The following GREM2 variants were observed in gnomAD, a reference collection of about 807,000 sequenced individuals.
GREM2 encodes the protein gremlin 2, DAN family BMP antagonist.
Under a neutral mutation model 14.2 loss-of-function variants are expected in GREM2, and 11 were observed. The observed-to-expected ratio is 0.78, with a 90% CI of 0.49 to 1.28. The LOEUF is 1.28. Ranked by LOEUF, GREM2 falls within the 50% of genes most tolerant of loss-of-function variation. The probability of loss-of-function intolerance (pLI) is 0.00; values close to 1 mark genes in which losing one functional copy is unlikely to be tolerated. For missense variants in GREM2, 210 were observed against 218.5 expected, an observed-to-expected ratio of 0.96 and a Z score of 0.24; for synonymous variants, 98 against 97.6, an observed-to-expected ratio of 1.00 and a Z score of -0.02.
chr1:240,497,641 G>GA (rs1553271627), intron 1 of GREM2, among the ~76,000 whole-genome samples: 1 of 99,486 alleles, frequency 1.0e-5, no homozygotes. Flanking sequence ...GCAGAAAGGA[G>GA]AAAAAAAAAG....
At chr1:240,519,790 G>T (rs1678036732) in intron 1 of GREM2, among the ~76,000 whole-genome samples, 1 of 151,978 alleles carries the variant, frequency 6.6e-6, no homozygotes, top group African/African-American at 2.4e-5. Context: ...AGTATGAAAA[G>T]CTCACCAAGT....
intron 1 of GREM2, among the ~76,000 whole-genome samples, chr1:240,527,766 G>C (rs1419747139): frequency 6.6e-6 from 1 of 152,138 alleles, no homozygotes; most frequent in Non-Finnish European, 1.5e-5. Flanking sequence ...AGCACACAAA[G>C]TCTCTAATTA....
At chr1:240,573,234 G>T (rs1558167938) in intron 1 of GREM2, among the ~76,000 whole-genome samples, 3 of 152,130 alleles carry the variant, frequency 2.0e-5, no homozygotes, top group Admixed American at 2.0e-4. Flanking sequence ...AGGCCAAAGA[G>T]GGAGGATCAC....
intron 1 of GREM2, chr1:240,531,507 C>A: frequency 3.0e-6 from 1 of 329,682 alleles, no homozygotes; most frequent in Non-Finnish European, 4.3e-6. Context: ...AATAGTATTT[C>A]AGAATTTTCC....
intron 1 of GREM2, among the ~76,000 whole-genome samples, chr1:240,501,178 T>C (rs764090861): frequency 2.1e-4 from 32 of 152,248 alleles, no homozygotes. Context: ...AATTAAAATA[T>C]GAGGAAAGGA....
At chr1:240,572,135 A>G (rs1172833980) in intron 1 of GREM2, among the ~76,000 whole-genome samples, 1 of 152,198 alleles carries the variant, frequency 6.6e-6, no homozygotes, top group Non-Finnish European at 1.5e-5. Flanking sequence ...TCCAGCTTCA[A>G]TTACAACTAG....
intron 1 of GREM2, among the ~76,000 whole-genome samples, chr1:240,572,020 C>T (rs775578099): frequency 2.0e-5 from 3 of 152,166 alleles, no homozygotes; most frequent in Non-Finnish European, 4.4e-5. Context: ...AGTTTGATTA[C>T]ACCCACAGGG....
intron 1 of GREM2, among the ~76,000 whole-genome samples, chr1:240,538,389 T>C (rs991336618): frequency 1.3e-5 from 2 of 152,128 alleles, no homozygotes; most frequent in African/African-American, 4.8e-5. Flanking sequence ...CTGCCTGCAT[T>C]TGTATTAAAG....
chr1:240,606,579 A>T (rs992236048), intron 1 of GREM2, among the ~76,000 whole-genome samples: 3 of 152,186 alleles, frequency 2.0e-5, no homozygotes, highest in Non-Finnish European at 4.4e-5. Context: ...TATAATCTTG[A>T]ACACTGCTTT....
chr1:240,592,711 TCCATCACTG>T (rs1679735586), intron 1 of GREM2, among the ~76,000 whole-genome samples: 1 of 152,088 alleles, frequency 6.6e-6, no homozygotes, highest in South Asian at 2.1e-4. Flanking sequence ...AATACACAGG[TCCATCACTG>T]CCCCTTACAC....
At chr1:240,533,855 G>A (rs569190594) in intron 1 of GREM2, among the ~76,000 whole-genome samples, 7 of 152,310 alleles carry the variant, frequency 4.6e-5, no homozygotes, top group African/African-American at 7.2e-5. Flanking sequence ...AAGAGGGGAC[G>A]ATTGTGACGA....
intron 1 of GREM2, among the ~76,000 whole-genome samples, chr1:240,535,376 G>T (rs1361262613): frequency 6.6e-6 from 1 of 152,088 alleles, no homozygotes; most frequent in Non-Finnish European, 1.5e-5. Context: ...GTTTGTTTTT[G>T]TTTTTTAACT....
At position 240,542,960 on chromosome 1, in the gene GREM2, A is replaced by G. The variant is rs1328237875; in HGVS notation, c.-1-49484T>C. On this transcript the variant is annotated intron_variant, in intron 1 of 1. Transcript: ENST00000318160. This position sits in a 1 kb window ranked among gnomAD's most constrained non-coding sequence, Gnocchi z 4.1. The stretch of plus-strand genomic sequence containing the variant: ...TAGAAGTTCTGTAAGATCCCACCAA[A>G]AAATATCACCTTCTTTGTGAAGCCT... 6.6e-6 allele frequency among the ~76,000 whole-genome samples: 1 copy of G among 152,162 alleles called. No individual in the cohort carries two copies. The highest frequency in any genetic ancestry group is 1.5e-5 in the Non-Finnish European group (1 of 68,036).
intron 1 of GREM2, among the ~76,000 whole-genome samples, chr1:240,586,442 T>C (rs1033281136): frequency 6.6e-6 from 1 of 152,202 alleles, no homozygotes; most frequent in Non-Finnish European, 1.5e-5. Flanking sequence ...CTTAAAGGAA[T>C]AGTTCTCCCT....
chr1:240,592,166 A>G (rs999108990), intron 1 of GREM2, among the ~76,000 whole-genome samples: 1 of 152,212 alleles, frequency 6.6e-6, no homozygotes, highest in African/African-American at 2.4e-5. Context: ...GACTACTTCT[A>G]AAATTTAATT....
At chr1:240,585,791 C>CA in intron 1 of GREM2, among the ~76,000 whole-genome samples, 1 of 145,958 alleles carries the variant, frequency 6.9e-6, no homozygotes, top group Non-Finnish European at 1.5e-5. Flanking sequence ...GAGGGCCCCT[C>CA]AAAAGGTCAC....
intron 1 of GREM2, among the ~76,000 whole-genome samples, chr1:240,607,528 C>T (rs1342503632): frequency 6.6e-6 from 1 of 152,156 alleles, no homozygotes; most frequent in Non-Finnish European, 1.5e-5. Flanking sequence ...TTTGAAGACA[C>T]ATATTTCTGC....
intron 1 of GREM2, among the ~76,000 whole-genome samples, chr1:240,587,634 T>C (rs762342297): frequency 2.3e-4 from 35 of 152,206 alleles, no homozygotes; most frequent in Non-Finnish European, 1.3e-4. Context: ...TTCACTTTTA[T>C]GAGCATTTTT....
intron 1 of GREM2, among the ~76,000 whole-genome samples, chr1:240,578,487 C>T (rs1679415542): frequency 6.6e-6 from 1 of 151,828 alleles, no homozygotes; most frequent in Non-Finnish European, 1.5e-5. Flanking sequence ...GTTTGCTCAT[C>T]TAAAACATGG....
Sources: allele counts gnomAD v4.1 joint callset (sites outside exome capture counted in the v4.1 genomes callset), GRCh38; gene constraint gnomAD v4.1.1; non-coding constraint Gnocchi (gnomAD v3.1); transcripts MANE v1.5; gene names NCBI Gene and HGNC (gene_info 2026-07-23, HGNC 2026-07-21).